PRKCQ: variants seen among roughly 807,000 people sequenced by gnomAD.
PRKCQ encodes protein kinase C theta type.
PRKCQ carries 41 observed loss-of-function variants against 91.2 expected under a neutral mutation model. The ratio of observed to expected loss-of-function variants is 0.45; its 90% CI spans 0.35 to 0.58. The LOEUF (loss-of-function observed/expected upper bound fraction) is 0.58. Ranked by LOEUF, PRKCQ falls within the 20% of genes least tolerant of loss-of-function variation. The pLI is 0.00. For synonymous variants in PRKCQ, 307 were observed against 316.9 expected (o/e 0.97, Z 0.33); for missense variants, 673 against 896.5 (o/e 0.75, Z 3.18).
In PRKCQ at chr10:6,491,666, T is replaced by A. The variant is rs1160039808; in HGVS notation, c.790+17A>T. 6.2e-7 allele frequency: 1 copy of A among 1,613,620 alleles called. No individual in the cohort carries two copies. Among genetic ancestry groups the A allele is most frequent in the Non-Finnish European group, 8.5e-7 (1 of 1,179,724 alleles). ...GGGGGTCCACGTCGGGCCATGCTCA[T>A]CCCCCACTGGACTCACCATCACACT... On this transcript the variant is annotated intron_variant, in intron 8 of 17. Coordinates refer to ENST00000263125, the MANE Select transcript of PRKCQ (RefSeq NM_006257.5).
At chr10:6,515,437 A>G (rs1838712809) in intron 1 of PRKCQ, 15 of 985,296 alleles carry the variant, frequency 1.5e-5, no homozygotes, top group Non-Finnish European at 1.8e-5. Context: ...GTTAGGCCCA[A>G]TGGTTGGAGA....
intron 2 of PRKCQ, among the ~76,000 whole-genome samples, chr10:6,511,974 T>TA (rs1465915612): frequency 6.6e-6 from 1 of 151,872 alleles, no homozygotes; most frequent in Non-Finnish European, 1.5e-5. Context: ...ACAAACTTTT[T>TA]AAAAAATCTT....
chr10:6,443,298 G>C (rs918461772), intron 15 of PRKCQ, among the ~76,000 whole-genome samples: 1 of 152,208 alleles, frequency 6.6e-6, no homozygotes, highest in Admixed American at 6.5e-5. Flanking sequence ...AAGAAATAAG[G>C]AAAATGTGCC....
intron 8 of PRKCQ, among the ~76,000 whole-genome samples, chr10:6,488,468 C>T (rs1485528115): frequency 6.6e-6 from 1 of 151,606 alleles, no homozygotes; most frequent in Non-Finnish European, 1.5e-5. Context: ...TCACTGCAAC[C>T]TCGGCCTCCC....
At chr10:6,446,101 T>C (rs945108684) in intron 15 of PRKCQ, among the ~76,000 whole-genome samples, 5 of 152,140 alleles carry the variant, frequency 3.3e-5, no homozygotes, top group East Asian at 1.9e-4. Flanking sequence ...AATACTGATA[T>C]GTGTTAGGAG....
intron 1 of PRKCQ, among the ~76,000 whole-genome samples, chr10:6,558,380 T>C (rs1211749895): frequency 6.6e-6 from 1 of 151,458 alleles, no homozygotes; most frequent in Non-Finnish European, 1.5e-5. Flanking sequence ...TACTATTTTG[T>C]TTTTTTTAAA....
chr10:6,558,099 C>A (rs1382340342), intron 1 of PRKCQ, among the ~76,000 whole-genome samples: 3 of 152,182 alleles, frequency 2.0e-5, no homozygotes, highest in East Asian at 3.8e-4. Context: ...TTAAAAAAAT[C>A]TCTTCCTTGC....
chr10:6,569,663 A>T (rs184651880), intron 1 of PRKCQ, among the ~76,000 whole-genome samples: 28 of 152,258 alleles, frequency 1.8e-4, no homozygotes, highest in African/African-American at 6.7e-4. Context: ...GGCTGGAGGG[A>T]ACACAGAGGA....
chr10:6,459,190 C>G (rs955891233), intron 14 of PRKCQ, among the ~76,000 whole-genome samples: 1 of 152,212 alleles, frequency 6.6e-6, no homozygotes, highest in African/African-American at 2.4e-5. Flanking sequence ...TGCCATCTCC[C>G]CTACTTAAGT....
intron 2 of PRKCQ, 116 bp from the exon 3 acceptor site, chr10:6,511,310 G>A (rs955214896): frequency 2.0e-6 from 2 of 988,918 alleles, no homozygotes; most frequent in East Asian, 2.5e-5. Flanking sequence ...AATTCTGTTG[G>A]GAAGACAAAA....
chr10:6,548,875 A>C (rs1434131565), intron 1 of PRKCQ, among the ~76,000 whole-genome samples: 1 of 152,128 alleles, frequency 6.6e-6, no homozygotes, highest in Non-Finnish European at 1.5e-5. Flanking sequence ...TAAAACTTAA[A>C]GTATAATAAT....
At chr10:6,575,565 G>A (rs1841198104) in intron 1 of PRKCQ, among the ~76,000 whole-genome samples, 1 of 152,162 alleles carries the variant, frequency 6.6e-6, no homozygotes, top group South Asian at 2.1e-4. Context: ...TGCTGTGTGA[G>A]TTGTATTTCC....
the PRKCQ span, among the ~76,000 whole-genome samples, chr10:6,401,754 G>A: frequency 6.6e-6 from 1 of 152,054 alleles, no homozygotes; most frequent in South Asian, 2.1e-4. Flanking sequence ...ACTTCCACCC[G>A]ATAATTCTAC....
intron 4 of PRKCQ, among the ~76,000 whole-genome samples, chr10:6,506,598 G>A (rs1232697952): frequency 2.6e-5 from 4 of 152,142 alleles, no homozygotes; most frequent in South Asian, 4.1e-4. Flanking sequence ...TATCTAGTGA[G>A]TGTTCAAGTT....
At chr10:6,405,057 C>T in the PRKCQ span, among the ~76,000 whole-genome samples, 2 of 151,966 alleles carry the variant, frequency 1.3e-5, no homozygotes, top group South Asian at 4.2e-4. Flanking sequence ...ACAATCTTAG[C>T]TCACTGCAAT....
At chr10:6,424,136 C>T (rs1261065800), downstream of PRKCQ, among the ~76,000 whole-genome samples, 3 of 152,104 alleles carry the variant, frequency 2.0e-5, no homozygotes, top group Non-Finnish European at 4.4e-5. Flanking sequence ...ACCAAACCAA[C>T]ACCTTTATTA....
At chr10:6,432,332 CA>C (rs1195603973) in intron 16 of PRKCQ, among the ~76,000 whole-genome samples, 1 of 151,962 alleles carries the variant, frequency 6.6e-6, no homozygotes, top group East Asian at 1.9e-4. Context: ...TCCGTTCTAC[CA>C]AAAAAATATA....
At chr10:6,412,913 G>A in the PRKCQ span, among the ~76,000 whole-genome samples, 725 of 152,270 alleles carry the variant, frequency 4.8e-3, 5 homozygotes, top group Non-Finnish European at 7.7e-3. Flanking sequence ...ACAATTGCTC[G>A]TGTACTCTAG....
chr10:6,511,017 T>A lies in PRKCQ; in HGVS notation c.296A>T (p.Asn99Ile). Reference sequence around the variant, plus strand: ...TACCCATATTTCTGTCTTCCCGTTGTTCTTCCTGCACCTCTCAGCCAGCGA... The same window carrying A: ...TACCCATATTTCTGTCTTCCCGTTGATCTTCCTGCACCTCTCAGCCAGCGA... ...LYSLAERCRK[N>I]NGKTEIWLEL... is the part of the protein sequence containing the mutation. The change falls in exon 3 of 18, where the codon AAC (asparagine) becomes ATC (isoleucine). Residue 99 changes from asparagine to isoleucine, a missense_variant. Transcript: ENST00000263125. The A allele has an allele frequency of 6.2e-7, 1 of 1,614,162 alleles. No individual in the cohort carries two copies. Among genetic ancestry groups the A allele is most frequent in the Non-Finnish European group, 8.5e-7 (1 of 1,179,996 alleles).
Sources: allele counts gnomAD v4.1 joint callset (sites outside exome capture counted in the v4.1 genomes callset), GRCh38; gene constraint gnomAD v4.1.1; transcripts MANE v1.5; gene names NCBI Gene and HGNC (gene_info 2026-07-23, HGNC 2026-07-21).